The following NTPCR variants were observed in gnomAD, a reference collection of about 807,000 sequenced individuals.
NTPCR encodes the protein cancer-related nucleoside-triphosphatase.
In NTPCR, 15 loss-of-function variants were observed where a neutral mutation model predicts 19.5. That is an observed-to-expected ratio of 0.77 (90% CI 0.51 to 1.18). NTPCR has a LOEUF of 1.18. Ranked by LOEUF, NTPCR falls within the 50% of genes most tolerant of loss-of-function variation. NTPCR has a pLI of 0.00. For synonymous variants in NTPCR, 90 were observed against 95.8 expected (o/e 0.94, Z 0.36); for missense variants, 206 against 240.4 (o/e 0.86, Z 0.95).
intron 4 of NTPCR, 145 bp from the exon 5 acceptor site, chr1:232,978,018 T>C (rs541526351): frequency 1.1e-5 from 7 of 625,516 alleles, no homozygotes; most frequent in African/African-American, 9.2e-5. Flanking sequence ...TGAGTGCTCC[T>C]GAAGAGCTGG....
rs549259331 is a variant in NTPCR, at chr1:232,982,488, C to T, written c.*4257C>T. On this transcript the variant is annotated 3_prime_UTR_variant, in exon 5 of 5. Coordinates refer to ENST00000366628, the MANE Select transcript of NTPCR (RefSeq NM_032324.3). Reference sequence around the variant, plus strand: ...CTGTGTCACTTTCATCCTCCCTCCTCCCCACAAAAGATGCCACGAGAACTC... The same window carrying T: ...CTGTGTCACTTTCATCCTCCCTCCTTCCCACAAAAGATGCCACGAGAACTC... The T allele has an allele frequency of 6.6e-6, 1 of 152,272 alleles. No individual in the cohort carries two copies. Among genetic ancestry groups the T allele is most frequent in the Non-Finnish European group, 1.5e-5 (1 of 68,058 alleles). The allele number at this position is 152,272 out of a possible 1,614,324, so 9.4% of individuals were successfully genotyped here.
At chr1:232,969,720 G>A (rs1039318429) in intron 3 of NTPCR, 189 bp from the exon 4 acceptor site, 1 of 533,506 alleles carries the variant, frequency 1.9e-6, no homozygotes, top group African/African-American at 1.9e-5. Context: ...CAGCTCCTGG[G>A]ACTCACCCTT....
intron 3 of NTPCR, among the ~76,000 whole-genome samples, chr1:232,960,018 CT>C (rs749377587): frequency 4.2e-4 from 64 of 151,872 alleles, no homozygotes; most frequent in African/African-American, 1.1e-3. Flanking sequence ...TGAGACCAGG[CT>C]GGCCAATATG....
chr1:232,960,659 G>A (rs1668645215), intron 3 of NTPCR, among the ~76,000 whole-genome samples: 1 of 152,068 alleles, frequency 6.6e-6, no homozygotes, highest in South Asian at 2.1e-4. Context: ...GTTTCTTTAG[G>A]CAGGAATGGA....
intron 3 of NTPCR, chr1:232,966,604 A>G (rs947153447): frequency 3.9e-5 from 6 of 152,226 alleles, no homozygotes; most frequent in African/African-American, 1.2e-4. Flanking sequence ...TTGTTGTTCT[A>G]ATCTTTCTGG....
intron 2 of NTPCR, among the ~76,000 whole-genome samples, 159 bp from the exon 3 acceptor site, chr1:232,956,188 G>C (rs190132414): frequency 2.2e-4 from 33 of 152,246 alleles, no homozygotes; most frequent in Non-Finnish European, 4.0e-4. Flanking sequence ...GTTCAAAGCA[G>C]AGAAAACCTG....
At chr1:232,959,988 A>T (rs1668625093) in intron 3 of NTPCR, among the ~76,000 whole-genome samples, 1 of 152,030 alleles carries the variant, frequency 6.6e-6, no homozygotes, top group Admixed American at 6.6e-5. Flanking sequence ...AGGTGAGTGG[A>T]TAACTTCAGG....
At chr1:232,968,225 AAC>A (rs1334537943) in intron 3 of NTPCR, 1 of 152,254 alleles carries the variant, frequency 6.6e-6, no homozygotes, top group African/African-American at 2.4e-5. Flanking sequence ...GCATGTCAGA[AAC>A]ACAGAAGTGC....
intron 4 of NTPCR, 111 bp from the exon 5 acceptor site, chr1:232,978,052 A>T: frequency 2.4e-6 from 2 of 834,324 alleles, no homozygotes; most frequent in Non-Finnish European, 3.9e-6. Flanking sequence ...GTAACAAAAC[A>T]TACCTCACCC....
chr1:232,975,872 C>A (rs1382938680), intron 4 of NTPCR, among the ~76,000 whole-genome samples: 3 of 152,204 alleles, frequency 2.0e-5, no homozygotes, highest in Admixed American at 2.0e-4. Flanking sequence ...TCAGGAAAGG[C>A]TTTCTGCAAC....
intron 4 of NTPCR, among the ~76,000 whole-genome samples, chr1:232,972,066 C>T (rs1459874087): frequency 6.6e-6 from 1 of 152,224 alleles, no homozygotes; most frequent in African/African-American, 2.4e-5. Flanking sequence ...TTGAAAGGAG[C>T]TGACTGTGAT....
Position 232,955,739 on chromosome 1 carries a change from G to C in NTPCR, c.197+20G>C. The C allele has an allele frequency of 6.2e-7, 1 of 1,611,540 alleles. No homozygotes were observed. On this transcript the variant is annotated intron_variant, in intron 2 of 4. Coordinates refer to ENST00000366628, the MANE Select transcript of NTPCR (RefSeq NM_032324.3). ...AGTTGGGTACTGATATTTCATTTCT[G>C]TGGTGTTCTATTATCTAAGCTCCCC... is the stretch of plus-strand genomic sequence containing the variant.
chr1:232,971,105 T>C (rs1246748497), intron 4 of NTPCR, among the ~76,000 whole-genome samples: 1 of 152,208 alleles, frequency 6.6e-6, no homozygotes, highest in Non-Finnish European at 1.5e-5. Flanking sequence ...TTGTCTAAAT[T>C]CTTGCCTTTC....
intron 3 of NTPCR, chr1:232,961,978 C>T (rs1668679633): frequency 6.6e-6 from 1 of 152,118 alleles, no homozygotes; most frequent in South Asian, 2.1e-4. Flanking sequence ...ATTTTAATTA[C>T]CATGGTAATC....
At position 232,982,015 on chromosome 1, in the gene NTPCR, C is replaced by G. The variant is rs1445662134; in HGVS notation, c.*3784C>G. ...TACAGGCGTGAGCCACCGTGCCCAGCCCCCAAATAACTCTTGAACTGGAAA... is the reference window on the plus strand; with the variant it reads ...TACAGGCGTGAGCCACCGTGCCCAGGCCCCAAATAACTCTTGAACTGGAAA... On this transcript the variant is annotated 3_prime_UTR_variant, in exon 5 of 5. Transcript: ENST00000366628. 2 of 152,176 alleles carry G rather than the reference C, an allele frequency of 1.3e-5. No homozygotes were observed. The highest frequency in any genetic ancestry group is 4.8e-5 in the African/African-American group (2 of 41,432). 9.4% of individuals were successfully genotyped at this position (152,176 alleles called of 1,614,324 possible).
intron 3 of NTPCR, among the ~76,000 whole-genome samples, chr1:232,959,205 T>C (rs904384533): frequency 6.6e-6 from 1 of 152,120 alleles, no homozygotes; most frequent in East Asian, 1.9e-4. Context: ...CCCCATGCTG[T>C]TCTCCCGATA....
chr1:232,956,508 A>G (rs371155940), intron 3 of NTPCR, 65 bp downstream of exon 3: 4 of 1,140,028 alleles, frequency 3.5e-6, no homozygotes, highest in South Asian at 1.3e-5. Context: ...ATTGCTAGCC[A>G]TGGAAACAGA....
At chr1:232,970,178 A>G (rs1668937562) in intron 4 of NTPCR, 60 bp downstream of exon 4, 1 of 1,342,786 alleles carries the variant, frequency 7.4e-7, no homozygotes, top group African/African-American at 1.4e-5. Context: ...AAAATAGCAG[A>G]TGGCTCTAAA....
chr1:232,950,871 A>C, intron 1 of NTPCR, 127 bp downstream of exon 1: 1 of 620,570 alleles, frequency 1.6e-6, no homozygotes, highest in Non-Finnish European at 2.8e-6. Flanking sequence ...TCCCAATTTA[A>C]ATGGCGGGCT....
Sources: allele counts gnomAD v4.1 joint callset (sites outside exome capture counted in the v4.1 genomes callset), GRCh38; gene constraint gnomAD v4.1.1; transcripts MANE v1.5; gene names NCBI Gene and HGNC (gene_info 2026-07-23, HGNC 2026-07-21).